The following SGCD variants were observed in gnomAD, a reference collection of about 807,000 sequenced individuals.
The protein encoded by SGCD is sarcoglycan delta.
In SGCD, 18 loss-of-function variants were observed where a neutral mutation model predicts 36.6. The ratio of observed to expected loss-of-function variants is 0.49; its 90% CI spans 0.34 to 0.73. The LOEUF is 0.73. Among genes scored for constraint, SGCD ranks in the 30% least tolerant of loss-of-function variants. SGCD has a pLI of 0.01. For synonymous variants in SGCD, 133 were observed against 130.6 expected (o/e 1.02, Z -0.12); for missense variants, 387 against 346.7 (o/e 1.12, Z -0.92).
At chr5:156,621,275 T>C (rs1024743277) in intron 6 of SGCD, among the ~76,000 whole-genome samples, 3 of 152,178 alleles carry the variant, frequency 2.0e-5, no homozygotes, top group African/African-American at 7.2e-5. Context: ...TACTGCAACC[T>C]CCGACTCTCA....
intron 3 of SGCD, among the ~76,000 whole-genome samples, chr5:156,267,869 T>C (rs1179445720): frequency 1.3e-5 from 2 of 152,200 alleles, no homozygotes; most frequent in African/African-American, 2.4e-5. Flanking sequence ...CAGAGGTACA[T>C]ATTCAGGTTT....
chr5:156,096,092 C>T (rs1761367834), intron 1 of SGCD, among the ~76,000 whole-genome samples: 1 of 152,202 alleles, frequency 6.6e-6, no homozygotes, highest in African/African-American at 2.4e-5. Context: ...ACAAGAATAT[C>T]TCAGCAGCTT....
the SGCD span, among the ~76,000 whole-genome samples, chr5:155,786,961 A>G: frequency 0.022 from 3,360 of 152,280 alleles, 69 homozygotes; most frequent in East Asian, 0.13. Flanking sequence ...TTGTGCAGAT[A>G]CTGATGGAAG....
chr5:156,510,112 T>A (rs1198449098), intron 4 of SGCD, among the ~76,000 whole-genome samples: 3 of 152,268 alleles, frequency 2.0e-5, no homozygotes, highest in African/African-American at 7.2e-5. Flanking sequence ...ATAAGTTTAC[T>A]TTCTTGTGTG....
upstream of SGCD, among the ~76,000 whole-genome samples, chr5:155,865,346 C>A (rs186372189): frequency 6.6e-6 from 1 of 152,148 alleles, no homozygotes; most frequent in East Asian, 1.9e-4. Flanking sequence ...TAGAAAATAT[C>A]TAGATTCTTG....
At chr5:156,285,577 G>A (rs951045433) in intron 3 of SGCD, among the ~76,000 whole-genome samples, 1 of 152,160 alleles carries the variant, frequency 6.6e-6, no homozygotes, top group Non-Finnish European at 1.5e-5. Flanking sequence ...ATGGAGAAAG[G>A]ATTCCATATT....
In SGCD at chr5:156,022,322, T is replaced by C. The variant is rs146031158; in HGVS notation, c.-281-95556T>C. On this transcript the variant is annotated intron_variant, in intron 1 of 9. Coordinates refer to the SGCD transcript ENST00000517913. ...AAAATACCTCACAGACTTTAAGTAC[T>C]GAAACGAGCTCACCTTTAAAACAGT... Among the ~76,000 whole-genome samples, 899 of 152,344 alleles carry C rather than the reference T, an allele frequency of 5.9e-3. 8 individuals are homozygous for C. Among genetic ancestry groups the C allele is most frequent in the African/African-American group, 0.021 (868 of 41,580 alleles).
chr5:155,770,497 T>C, the SGCD span, among the ~76,000 whole-genome samples: 2 of 152,222 alleles, frequency 1.3e-5, no homozygotes, highest in Non-Finnish European at 2.9e-5. Flanking sequence ...TGGAGAAAGA[T>C]GATTGAAAGG....
chr5:155,857,947 G>C, the SGCD span, among the ~76,000 whole-genome samples: 1 of 152,070 alleles, frequency 6.6e-6, no homozygotes, highest in Non-Finnish European at 1.5e-5. Flanking sequence ...CATTTGTGCT[G>C]TCTGTTCTTT....
chr5:156,720,125 C>T (rs565125916), intron 7 of SGCD, among the ~76,000 whole-genome samples: 1 of 152,282 alleles, frequency 6.6e-6, no homozygotes, highest in South Asian at 2.1e-4. Flanking sequence ...CCAAAAGAGA[C>T]CACGTTTGTG....
chr5:156,546,693 G>T (rs750622210), intron 4 of SGCD, among the ~76,000 whole-genome samples: 1 of 152,176 alleles, frequency 6.6e-6, no homozygotes, highest in Non-Finnish European at 1.5e-5. Context: ...CCTTGAAAAT[G>T]TGTGAAATAT....
intron 4 of SGCD, among the ~76,000 whole-genome samples, chr5:156,584,860 A>G (rs932912038): frequency 1.3e-5 from 2 of 152,114 alleles, no homozygotes; most frequent in Non-Finnish European, 2.9e-5. Flanking sequence ...CTTTTATGTA[A>G]TTATTTCTTT....
chr5:156,129,672 G>C (rs1762263511), intron 3 of SGCD, among the ~76,000 whole-genome samples: 1 of 152,108 alleles, frequency 6.6e-6, no homozygotes, highest in African/African-American at 2.4e-5. Context: ...ACCAGTGTCT[G>C]TTGTTCCCTT....
At chr5:155,855,194 G>C in the SGCD span, among the ~76,000 whole-genome samples, 1 of 152,126 alleles carries the variant, frequency 6.6e-6, no homozygotes, top group African/African-American at 2.4e-5. Flanking sequence ...CAGGTCAGAA[G>C]TTCCAGAAAA....
At chr5:156,308,981 G>A (rs747521837) in intron 3 of SGCD, among the ~76,000 whole-genome samples, 50 of 151,950 alleles carry the variant, frequency 3.3e-4, no homozygotes, top group Non-Finnish European at 2.9e-4. Context: ...GAATGTATCC[G>A]CCCACTAACT....
At chr5:156,447,418 C>T (rs1456406729) in intron 3 of SGCD, among the ~76,000 whole-genome samples, 1 of 152,078 alleles carries the variant, frequency 6.6e-6, no homozygotes, top group Non-Finnish European at 1.5e-5. Context: ...TTCCTGAATC[C>T]CCTAACCAAA....
chr5:156,032,487 G>A (rs927682199), intron 1 of SGCD, among the ~76,000 whole-genome samples: 7 of 151,674 alleles, frequency 4.6e-5, no homozygotes, highest in Admixed American at 6.6e-5. Context: ...GGGAGGCCAG[G>A]GCAGGCAGAT....
At chr5:156,698,615 C>A (rs1052353271) in intron 7 of SGCD, among the ~76,000 whole-genome samples, 1 of 152,132 alleles carries the variant, frequency 6.6e-6, no homozygotes, top group Admixed American at 6.6e-5. Flanking sequence ...CTGCAGGAGA[C>A]AACTGATTTC....
chr5:156,765,976 T>G lies in SGCD; in HGVS notation c.*6586T>G, dbSNP rs145595490. On this transcript the variant is annotated 3_prime_UTR_variant, in exon 9 of 9. Transcript: ENST00000337851. ...AAATATAGAAAGCCTGCCTGAATAA[T>G]AGAATCTAGAACAACAACAAAAATA... 2 of 147,850 alleles carry G rather than the reference T, an allele frequency of 1.4e-5. No homozygotes were observed. Among genetic ancestry groups the G allele is most frequent in the Admixed American group, 1.4e-4 (2 of 14,660 alleles). The allele number at this position is 147,850 out of a possible 1,614,324, so 9.2% of individuals were successfully genotyped here.
Sources: gnomAD v4.1 joint callset for allele counts (sites outside exome capture counted in the v4.1 genomes callset) on GRCh38, gnomAD v4.1.1 for gene constraint, MANE v1.5 for transcripts, NCBI Gene and HGNC (gene_info 2026-07-23, HGNC 2026-07-21) for gene names.